OXR1: variants seen among roughly 807,000 people sequenced by gnomAD.
OXR1 encodes oxidation resistance 1, also known as oxidation resistance protein 1.
OXR1 carries 41 observed loss-of-function variants against 104.6 expected under a neutral mutation model. The ratio of observed to expected loss-of-function variants is 0.39; its 90% CI spans 0.31 to 0.51. The LOEUF is 0.51. Ranked by LOEUF, OXR1 falls within the 20% of genes least tolerant of loss-of-function variation. The probability of loss-of-function intolerance (pLI) is 0.77; values close to 1 mark genes in which losing one functional copy is unlikely to be tolerated. For missense variants in OXR1, 955 were observed against 1,031.9 expected, an observed-to-expected ratio of 0.93 and a Z score of 1.02; for synonymous variants, 348 against 348.4, an observed-to-expected ratio of 1.00 and a Z score of 0.01.
chr8:106,579,141 A>C (rs1489764075), intron 3 of OXR1, among the ~76,000 whole-genome samples: 1 of 150,736 alleles, frequency 6.6e-6, no homozygotes, highest in African/African-American at 2.4e-5. Flanking sequence ...TTCTGAACTG[A>C]CTCTGGGTTT....
intron 14 of OXR1, among the ~76,000 whole-genome samples, 183 bp downstream of exon 14, chr8:106,740,678 T>G (rs1025554245): frequency 6.6e-6 from 1 of 152,148 alleles, no homozygotes; most frequent in African/African-American, 2.4e-5. Flanking sequence ...GCATGATGAT[T>G]AAGAATTACT....
At chr8:106,673,577 TTAAG>T (rs1827259654) in intron 3 of OXR1, among the ~76,000 whole-genome samples, 1 of 152,190 alleles carries the variant, frequency 6.6e-6, no homozygotes, top group South Asian at 2.1e-4. Flanking sequence ...AGATACTTAC[TTAAG>T]TAACGAGGAG....
intron 3 of OXR1, among the ~76,000 whole-genome samples, chr8:106,623,343 C>A (rs1821879485): frequency 2.0e-5 from 3 of 151,604 alleles, no homozygotes; most frequent in Admixed American, 2.0e-4. Flanking sequence ...CTAATCCCAC[C>A]CCTGTGGACA....
intron 3 of OXR1, among the ~76,000 whole-genome samples, chr8:106,660,787 C>G (rs968280896): frequency 6.6e-6 from 1 of 152,048 alleles, no homozygotes; most frequent in Non-Finnish European, 1.5e-5. Flanking sequence ...CCGAGACGGG[C>G]GGATCACCTG....
At chr8:106,458,829 T>C (rs1261027730) in intron 2 of OXR1, among the ~76,000 whole-genome samples, 1 of 152,188 alleles carries the variant, frequency 6.6e-6, no homozygotes, top group Non-Finnish European at 1.5e-5. Flanking sequence ...CCCTTTCTTC[T>C]TGCTTAGTCC....
chr8:106,310,498 A>G (rs1422275423), intron 1 of OXR1, among the ~76,000 whole-genome samples: 2 of 151,486 alleles, frequency 1.3e-5, no homozygotes, highest in Non-Finnish European at 2.9e-5. Flanking sequence ...CCTGTCTTGG[A>G]TTTTCTCCCC....
intron 7 of OXR1, among the ~76,000 whole-genome samples, chr8:106,693,683 G>C (rs542763985): frequency 1.3e-5 from 2 of 151,946 alleles, no homozygotes; most frequent in Admixed American, 1.3e-4. Context: ...CACTTGCCTC[G>C]GCCTCCCAAA....
intron 3 of OXR1, among the ~76,000 whole-genome samples, chr8:106,576,273 C>A (rs1817824402): frequency 6.6e-6 from 1 of 151,160 alleles, no homozygotes; most frequent in Non-Finnish European, 1.5e-5. Flanking sequence ...TTCTTAGGAA[C>A]AGTAAGATTA....
At chr8:106,640,560 A>G (rs899829297) in intron 3 of OXR1, among the ~76,000 whole-genome samples, 1 of 152,068 alleles carries the variant, frequency 6.6e-6, no homozygotes, top group Non-Finnish European at 1.5e-5. Context: ...TGAGAATGGC[A>G]GAGGAATCCT....
chr8:106,616,184 G>A (rs569837076), intron 3 of OXR1, among the ~76,000 whole-genome samples: 3 of 150,286 alleles, frequency 2.0e-5, no homozygotes, highest in East Asian at 3.9e-4. Flanking sequence ...TGGGACTACA[G>A]GTGCCCGCCA....
intron 2 of OXR1, among the ~76,000 whole-genome samples, chr8:106,467,195 A>G (rs550119420): frequency 6.6e-6 from 1 of 152,050 alleles, no homozygotes; most frequent in African/African-American, 2.4e-5. Context: ...GCTGAAATCC[A>G]CTTTTCACTT....
In OXR1 at chr8:106,702,989, T is replaced by C; in HGVS notation, c.759T>C (p.Asn253=). ...PHKNDPLVQE[N]GCEEYGIMCP... ...AAAATGACCCTTTGGTTCAAGAGAA[T>C]GGCTGTGAGGAATATGGCATCATGT... The change falls in exon 8 of 17, where the codon AAT becomes AAC. Residue 253 remains asparagine, a synonymous_variant. Transcript: ENST00000517566. The C allele has an allele frequency of 6.2e-7, 1 of 1,613,672 alleles. No individual in the cohort carries two copies. The highest frequency in any genetic ancestry group is 8.5e-7 in the Non-Finnish European group (1 of 1,179,664).
intron 2 of OXR1, among the ~76,000 whole-genome samples, chr8:106,395,747 C>G (rs73698965): frequency 0.026 from 4,009 of 152,176 alleles, 65 homozygotes; most frequent in South Asian, 0.075. Context: ...CAATGATACA[C>G]TATTGGTAAA....
chr8:106,447,845 CTT>C, intron 2 of OXR1: 1 of 1,416,676 alleles, frequency 7.1e-7, no homozygotes, highest in East Asian at 2.5e-5. Context: ...ATTTGGGTCT[CTT>C]TTTGCCTTAG....
intron 6 of OXR1, among the ~76,000 whole-genome samples, chr8:106,685,258 G>A (rs1828584888): frequency 6.6e-6 from 1 of 152,050 alleles, no homozygotes; most frequent in Admixed American, 6.5e-5. Context: ...TTTTCCCATG[G>A]GACTTACAAA....
At chr8:106,435,053 A>G (rs1246634122) in intron 2 of OXR1, among the ~76,000 whole-genome samples, 1 of 152,122 alleles carries the variant, frequency 6.6e-6, no homozygotes, top group Non-Finnish European at 1.5e-5. Flanking sequence ...TGTCACCTCT[A>G]AGGAAGTAAC....
At chr8:106,301,805 G>A (rs1389458887) in intron 1 of OXR1, among the ~76,000 whole-genome samples, 2 of 152,168 alleles carry the variant, frequency 1.3e-5, no homozygotes, top group Non-Finnish European at 2.9e-5. Flanking sequence ...GACAGAATAG[G>A]TAGAAATATC....
At chr8:106,313,392 A>T (rs898425121) in intron 1 of OXR1, among the ~76,000 whole-genome samples, 2 of 152,178 alleles carry the variant, frequency 1.3e-5, no homozygotes, top group Admixed American at 6.5e-5. Context: ...AGGGTACAGC[A>T]TATTCTGTCC....
chr8:106,710,818 G>A lies in OXR1; in HGVS notation c.1793+28G>A, dbSNP rs752704028. 15 of 1,339,848 alleles carry A rather than the reference G, an allele frequency of 1.1e-5. No homozygotes were observed. The South Asian group carries it at 2.7e-4, about 24-fold the overall frequency. 83.0% of individuals were successfully genotyped at this position (1,339,848 alleles called of 1,614,324 possible). On this transcript the variant is annotated intron_variant, in intron 10 of 16. Transcript: ENST00000517566. ...AAAAAACCCATACGACACCTTGAGA[G>A]CATTATTGAGATTCTTTGAACTAAA...
Sources: gnomAD v4.1 joint callset for allele counts (sites outside exome capture counted in the v4.1 genomes callset) on GRCh38, gnomAD v4.1.1 for gene constraint, MANE v1.5 for transcripts, NCBI Gene and HGNC (gene_info 2026-07-23, HGNC 2026-07-21) for gene names.